Variants in GABRR1 observed in about 807,000 individuals in gnomAD.
The protein encoded by GABRR1 is gamma-aminobutyric acid type A receptor subunit rho1, also known as gamma-aminobutyric acid receptor subunit rho-1.
In GABRR1, 59 loss-of-function variants were observed where a neutral mutation model predicts 55.5. The observed-to-expected ratio is 1.06, with a 90% confidence interval of 0.86 to 1.32. The LOEUF (loss-of-function observed/expected upper bound fraction) is 1.32, where lower values mean the gene tolerates loss of function less well. GABRR1 is among the 40% of genes most tolerant of loss of function. The pLI is 0.00. For missense variants in GABRR1, 602 were observed against 619.1 expected (o/e 0.97, Z 0.29); for synonymous variants, 213 against 226.0 (o/e 0.94, Z 0.51).
Position 89,185,465 on chromosome 6 carries a change from G to A in GABRR1, c.656-15C>T. ...TGTATAGGCATCTGAAAAGACAGGG[G>A]CCAGCATCAGACACAAGGTGGTGGC... On this transcript the variant is annotated splice_polypyrimidine_tract_variant and intron_variant, in intron 6 of 9. Coordinates refer to ENST00000454853, the MANE Select transcript of GABRR1 (RefSeq NM_002042.5). 1.2e-6 allele frequency: 2 copies of A among 1,612,074 alleles called. No homozygotes were observed. Among genetic ancestry groups the A allele is most frequent in the East Asian group, 2.2e-5 (1 of 44,832 alleles).
intron 1 of GABRR1, among the ~76,000 whole-genome samples, chr6:89,223,331 A>G (rs1402842339): frequency 1.3e-5 from 2 of 152,218 alleles, no homozygotes; most frequent in Non-Finnish European, 2.9e-5. Context: ...TACTTCACTT[A>G]GAGTAATATT....
chr6:89,198,433 A>G (rs13194649), intron 4 of GABRR1, among the ~76,000 whole-genome samples, 190 bp from the exon 5 acceptor site: 22,562 of 148,414 alleles, frequency 0.15, 2,021 homozygotes, highest in African/African-American at 0.24. Flanking sequence ...GGCGGGGCAC[A>G]GCGTGGAACT....
chr6:89,215,074 C>G (rs1393806187), intron 1 of GABRR1, among the ~76,000 whole-genome samples: 1 of 152,058 alleles, frequency 6.6e-6, no homozygotes, highest in Non-Finnish European at 1.5e-5. Flanking sequence ...AAAAGAAAAC[C>G]CTTGTAACAC....
intron 5 of GABRR1, among the ~76,000 whole-genome samples, chr6:89,190,998 G>T (rs576368409): frequency 6.6e-6 from 1 of 152,238 alleles, no homozygotes; most frequent in Non-Finnish European, 1.5e-5. Flanking sequence ...TTGTTCGCTC[G>T]TGCTGAATGG....
intron 5 of GABRR1, among the ~76,000 whole-genome samples, chr6:89,193,547 TC>T (rs1402150810): frequency 1.3e-5 from 2 of 152,162 alleles, no homozygotes; most frequent in Non-Finnish European, 2.9e-5. Flanking sequence ...GATTTTCTAC[TC>T]CCTTCCTGCA....
rs149914943 is a variant in GABRR1, at chr6:89,206,394, G to A, written c.123-2909C>T. On this transcript the variant is annotated intron_variant, in intron 1 of 9. Coordinates refer to ENST00000454853, the MANE Select transcript of GABRR1 (RefSeq NM_002042.5). ...AATTACATCTCTGTGCTTTGCTCCC[G>A]ATGTCCCAACTGTCTGGAATGCCCT... Among the ~76,000 whole-genome samples the A allele has an allele frequency of 2.9e-3, 446 of 152,130 alleles. 3 individuals are homozygous for A. The highest frequency in any genetic ancestry group is 0.01 in the African/African-American group (429 of 41,494).
At chr6:89,211,110 G>C (rs1772821721) in intron 1 of GABRR1, among the ~76,000 whole-genome samples, 1 of 152,160 alleles carries the variant, frequency 6.6e-6, no homozygotes. Flanking sequence ...GGAGACAAAA[G>C]ACCAGGAAGC....
chr6:89,201,943 C>T lies in GABRR1; in HGVS notation c.174-678G>A, dbSNP rs1772488310. The stretch of plus-strand genomic sequence containing the variant: ...AGTCTTGTTATTAATAGCCCAAATT[C>T]CCTTAAAGTGCCTCAGCCTTTTGAG... On this transcript the variant is annotated intron_variant, in intron 2 of 9. Coordinates refer to ENST00000454853, the MANE Select transcript of GABRR1 (RefSeq NM_002042.5). 2.6e-5 allele frequency among the ~76,000 whole-genome samples: 4 copies of T among 152,132 alleles called. No homozygotes were observed. The South Asian group carries it at 8.3e-4, about 32-fold the overall frequency.
chr6:89,181,967 A>T lies in GABRR1; in HGVS notation c.887T>A (p.Val296Asp). The T allele has an allele frequency of 6.2e-7, 1 of 1,614,190 alleles. No individual in the cohort carries two copies. ...CCAGAAGGACACCCAGGACAGCATG[A>T]CCATCAGGGTAGCGGGGAAATAAGT... ...LQTYFPATLMVMLSWVSFWID... is the reference protein window; with the variant it reads ...LQTYFPATLMDMLSWVSFWID... The change falls in exon 8 of 10, where the codon GTC becomes GAC. Residue 296 changes from valine to aspartate, a missense_variant. By Grantham distance (152) the Val-to-Asp change is radical (BLOSUM62 -3). Coordinates refer to ENST00000454853, the MANE Select transcript of GABRR1 (RefSeq NM_002042.5).
intron 1 of GABRR1, among the ~76,000 whole-genome samples, chr6:89,224,273 G>A (rs186369071): frequency 6.0e-5 from 9 of 150,850 alleles, no homozygotes; most frequent in Admixed American, 4.6e-4. Context: ...TGTACTTTTA[G>A]TAGAGACAGG....
chr6:89,178,997 C>A lies in GABRR1; in HGVS notation c.1213G>T (p.Glu405Ter), dbSNP rs1291550200. The A allele has an allele frequency of 6.2e-7, 1 of 1,614,176 alleles. No individual in the cohort carries two copies. Among genetic ancestry groups the A allele is most frequent in the Admixed American group, 1.7e-5 (1 of 60,026 alleles). The change falls in exon 10 of 10, where the codon GAG becomes TAG. Residue 405 changes from glutamate (E) to a stop codon, truncating the protein, a stop_gained. Coordinates refer to ENST00000454853, the MANE Select transcript of GABRR1 (RefSeq NM_002042.5). LOFTEE classifies it high-confidence loss of function. ...AMLDGNYSDG[E>*]VNDLDNYMPE... is the part of the protein sequence containing the mutation. The stretch of plus-strand genomic sequence containing the variant: ...ATGTAGTTGTCCAGGTCATTCACCT[C>A]CCCATCACTGTAGTTGCCGTCCAGC...
At chr6:89,229,509 C>A (rs970992187) in intron 1 of GABRR1, among the ~76,000 whole-genome samples, 1 of 148,882 alleles carries the variant, frequency 6.7e-6, no homozygotes, top group African/African-American at 2.5e-5. Flanking sequence ...TTTTATTTCT[C>A]CTTCACTTAT....
chr6:89,195,066 A>G (rs943409523), intron 5 of GABRR1, among the ~76,000 whole-genome samples: 1 of 152,216 alleles, frequency 6.6e-6, no homozygotes, highest in Admixed American at 6.5e-5. Context: ...ATCAATGCAA[A>G]TAAGACTATC....
Position 89,203,617 on chromosome 6 carries a change from G to A in GABRR1, c.123-132C>T, listed in dbSNP as rs181337433. The A allele has an allele frequency of 3.9e-4, 282 of 715,454 alleles. 3 individuals carry two copies. Among genetic ancestry groups the A allele is most frequent in the Admixed American group, 1.3e-3 (52 of 39,840 alleles). The allele number at this position is 715,454 out of a possible 1,614,324, so 44.3% of individuals were successfully genotyped here. ...ATGTAAAAGAAGAAGAAAAAACTAC[G>A]AAGATTCAATGCATTCATTTAGCCT... On this transcript the variant is annotated intron_variant, in intron 1 of 9. Transcript: ENST00000454853.
At position 89,197,965 on chromosome 6, in the gene GABRR1, G is replaced by A. The variant is rs1166755892; in HGVS notation, c.572+55C>T. The stretch of plus-strand genomic sequence containing the variant: ...TTCAGAGCCAAAAACCCAAATTGCT[G>A]TTGTGAAACCAATGCTTTTCTTGGT... On this transcript the variant is annotated intron_variant, in intron 5 of 9. Transcript: ENST00000454853. 5 of 1,519,066 alleles carry A rather than the reference G, an allele frequency of 3.3e-6. No homozygotes were observed. In the African/African-American group the frequency reaches 4.1e-5, roughly 12 times the overall value. The allele number at this position is 1,519,066 out of a possible 1,614,324, so 94.1% of individuals were successfully genotyped here.
chr6:89,188,276 G>A (rs1285775224), intron 6 of GABRR1, among the ~76,000 whole-genome samples: 2 of 152,042 alleles, frequency 1.3e-5, no homozygotes, highest in South Asian at 2.1e-4. Context: ...CTCTTACCCC[G>A]GCCACCCACA....
chr6:89,181,873 T>A (rs1771732593), intron 8 of GABRR1, 32 bp downstream of exon 8: 1 of 1,572,268 alleles, frequency 6.4e-7, no homozygotes, highest in African/African-American at 1.4e-5. Context: ...TATTTGCAGA[T>A]GCTTGGAATA....
intron 1 of GABRR1, among the ~76,000 whole-genome samples, chr6:89,213,660 T>A (rs1014149877): frequency 1.3e-5 from 2 of 152,248 alleles, no homozygotes; most frequent in Non-Finnish European, 2.9e-5. Flanking sequence ...TGCATTATTA[T>A]GCAGCCAATC....
chr6:89,192,733 G>A (rs527608853), intron 5 of GABRR1, among the ~76,000 whole-genome samples: 167 of 151,960 alleles, frequency 1.1e-3, no homozygotes, highest in Non-Finnish European at 1.5e-3. Context: ...GCTAATTTTT[G>A]TATTTTTAGT....
Sources: gnomAD v4.1 joint callset for allele counts (sites outside exome capture counted in the v4.1 genomes callset) on GRCh38, gnomAD v4.1.1 for gene constraint, MANE v1.5 for transcripts, NCBI Gene and HGNC (gene_info 2026-07-23, HGNC 2026-07-21) for gene names.